Variants in PPP1R37 observed in about 807,000 individuals in gnomAD.
PPP1R37 encodes leucine rich repeat containing 68.
In PPP1R37, 21 loss-of-function variants were observed where a neutral mutation model predicts 61.0. That is an observed-to-expected ratio of 0.34 (90% confidence interval 0.24 to 0.50). The LOEUF (loss-of-function observed/expected upper bound fraction) is 0.50, where lower values mean the gene tolerates loss of function less well. PPP1R37 is among the 20% of genes least tolerant of loss of function. The pLI is 0.98. For missense variants in PPP1R37, 910 were observed against 952.7 expected, an observed-to-expected ratio of 0.96 and a Z score of 0.59; for synonymous variants, 443 against 433.5, an observed-to-expected ratio of 1.02 and a Z score of -0.27.
At chr19:45,119,696 C>T (rs2122728919) in intron 1 of PPP1R37, among the ~76,000 whole-genome samples, 1 of 152,336 alleles carries the variant, frequency 6.6e-6, no homozygotes, top group South Asian at 2.1e-4. Flanking sequence ...CTCTGTCCTC[C>T]ACTGTCATCT....
At chr19:45,106,472 G>A (rs1968132487) in intron 1 of PPP1R37, among the ~76,000 whole-genome samples, 1 of 152,082 alleles carries the variant, frequency 6.6e-6, no homozygotes, top group South Asian at 2.1e-4. Flanking sequence ...TCGAACTCCT[G>A]ACCTCAAATG....
In PPP1R37 at chr19:45,146,632, TC is replaced by T; in HGVS notation, c.*76del. The stretch of plus-strand genomic sequence containing the variant: ...CAGAGCCATGAGAATCTGCTCACCT[TC>T]CCCCCAGCCTTCCTGAGGCCCAGGA... On this transcript the variant is annotated 3_prime_UTR_variant, in exon 13 of 13. Transcript: ENST00000221462. 1.2e-5 allele frequency: 7 copies of T among 603,272 alleles called. No individual in the cohort carries two copies. The highest frequency in any genetic ancestry group is 2.0e-5 in the Non-Finnish European group (7 of 348,950). The allele number at this position is 603,272 out of a possible 1,614,324, so 37.4% of individuals were successfully genotyped here. A position where few individuals can be genotyped will look rare whatever the true frequency, so the allele number is the denominator to read the frequency against.
rs1568453077 is a variant in PPP1R37 at position 45,146,378 on chromosome 19, C to T, written c.1994-12C>T. ...CCGCCTGACGGGGGTGCTGGCCCGT[C>T]CTCCCACACAGAACTGAGCTGCTCC... On this transcript the variant is annotated splice_polypyrimidine_tract_variant and intron_variant, in intron 11 of 12. Transcript: ENST00000221462. 5.2e-6 allele frequency: 8 copies of T among 1,534,750 alleles called. No homozygotes were observed. Among genetic ancestry groups the T allele is most frequent in the South Asian group, 4.8e-5 (4 of 83,978 alleles).
At position 45,145,164 on chromosome 19, in the gene PPP1R37, G is replaced by C; in HGVS notation, c.1200G>C (p.Glu400Asp). ...TGAGACTGGACCTTCGGGAGAACGA[G>C]ATCAAGACAGGCGGGCTCATGGCAC... The part of the protein sequence containing the change: ...RLLRLDLREN[E>D]IKTGGLMALS... The change falls in exon 10 of 13, where the codon GAG becomes GAC. Residue 400 changes from glutamate (E) to aspartate (D), a missense_variant. Coordinates refer to ENST00000221462, the MANE Select transcript of PPP1R37 (RefSeq NM_019121.2). 2 of 1,535,294 alleles carry C rather than the reference G, an allele frequency of 1.3e-6. No homozygotes were observed. Among genetic ancestry groups the C allele is most frequent in the Non-Finnish European group, 1.7e-6 (2 of 1,146,526 alleles).
Position 45,142,471 on chromosome 19 carries a change from G to C in PPP1R37, c.874+13G>C, listed in dbSNP as rs551628275. ...GTGCTAGACTCGGGTGGGTGCAGTGGCCCACCCCACCCACACCCGTCACCC... is the reference window on the plus strand; with the variant it reads ...GTGCTAGACTCGGGTGGGTGCAGTGCCCCACCCCACCCACACCCGTCACCC... On this transcript the variant is annotated intron_variant, in intron 7 of 12. Coordinates refer to ENST00000221462, the MANE Select transcript of PPP1R37 (RefSeq NM_019121.2). The C allele has an allele frequency of 6.5e-7, 1 of 1,535,014 alleles. No individual in the cohort carries two copies. The highest frequency in any genetic ancestry group is 1.2e-5 in the South Asian group (1 of 84,012).
intron 1 of PPP1R37, among the ~76,000 whole-genome samples, chr19:45,097,364 TGCTAGAGATGG>T (rs1447529327): frequency 1.3e-5 from 2 of 151,810 alleles, no homozygotes; most frequent in African/African-American, 2.4e-5. Flanking sequence ...TGTTGTGCCG[TGCTAGAGATGG>T]AGCGCTGCCT....
chr19:45,110,554 T>A (rs1376109168), intron 1 of PPP1R37, among the ~76,000 whole-genome samples: 1 of 152,206 alleles, frequency 6.6e-6, no homozygotes, highest in Non-Finnish European at 1.5e-5. Context: ...TTCTTATAAC[T>A]GGTAAATTTT....
Position 45,133,177 on chromosome 19 carries a change from G to A in PPP1R37, c.203-5337G>A, listed in dbSNP as rs566983328. On this transcript the variant is annotated intron_variant, in intron 1 of 12. Coordinates refer to ENST00000221462, the MANE Select transcript of PPP1R37 (RefSeq NM_019121.2). Reference sequence around the variant, plus strand: ...ACCACAACCTCCACCTCCACCTCCCGGGTTCAAGTGATTCTCCTGCCTCAG... The same window carrying A: ...ACCACAACCTCCACCTCCACCTCCCAGGTTCAAGTGATTCTCCTGCCTCAG... Among the ~76,000 whole-genome samples, 5 of 152,232 alleles carry A rather than the reference G, an allele frequency of 3.3e-5. No individual in the cohort carries two copies. The South Asian group carries it at 6.2e-4, about 19-fold the overall frequency.
intron 1 of PPP1R37, among the ~76,000 whole-genome samples, chr19:45,099,672 C>T (rs1009103032): frequency 2.0e-5 from 3 of 152,234 alleles, no homozygotes; most frequent in African/African-American, 7.2e-5. Context: ...GCATCTATTT[C>T]CCCCTTCAAG....
Position 45,146,673 on chromosome 19 carries a change from GC to G in PPP1R37, c.*113del, listed in dbSNP as rs1968706285. 1.8e-6 allele frequency: 1 copy of G among 547,414 alleles called. No individual in the cohort carries two copies. The allele number at this position is 547,414 out of a possible 1,614,324, so 33.9% of individuals were successfully genotyped here. On this transcript the variant is annotated 3_prime_UTR_variant, in exon 13 of 13. Transcript: ENST00000221462. ...GAGGCCCAGGATGCCAGGGGTGGGG[GC>G]CATTCTGGGGCCCCCCTCCCCCCAC... is the stretch of plus-strand genomic sequence containing the variant.
chr19:45,105,907 G>A (rs901964185), intron 1 of PPP1R37, among the ~76,000 whole-genome samples: 3 of 152,246 alleles, frequency 2.0e-5, no homozygotes, highest in Non-Finnish European at 4.4e-5. Context: ...AGTTGGGGCT[G>A]TTGCTGGCAG....
intron 8 of PPP1R37, 37 bp downstream of exon 8, chr19:45,143,670 C>A: frequency 7.9e-7 from 1 of 1,271,766 alleles, no homozygotes; most frequent in East Asian, 2.5e-5. Context: ...GCACCTCGGT[C>A]CCCGCTGCCA....
intron 1 of PPP1R37, among the ~76,000 whole-genome samples, chr19:45,123,831 C>G (rs1203672317): frequency 2.6e-5 from 4 of 152,202 alleles, no homozygotes. Context: ...ATCCCTCTCC[C>G]CTGCCTGCAG....
chr19:45,106,371 A>T lies in PPP1R37; in HGVS notation c.202+12844A>T, dbSNP rs1368646926. ...ATTCTCCTGCCTCAGCCTCCCAAGT[A>T]GCTGGGATTATAGGCATGCGCCACC... On this transcript the variant is annotated intron_variant, in intron 1 of 12. Coordinates refer to ENST00000221462, the MANE Select transcript of PPP1R37 (RefSeq NM_019121.2). 5.3e-5 allele frequency among the ~76,000 whole-genome samples: 8 copies of T among 151,766 alleles called. No homozygotes were observed. In the East Asian group the frequency reaches 1.6e-3, roughly 29 times the overall value.
chr19:45,146,597 G>A lies in PPP1R37; in HGVS notation c.*35G>A. 1.4e-6 allele frequency: 1 copy of A among 718,564 alleles called. No homozygotes were observed. The highest frequency in any genetic ancestry group is 2.3e-6 in the Non-Finnish European group (1 of 431,406). 44.5% of individuals were successfully genotyped at this position (718,564 alleles called of 1,614,324 possible). On this transcript the variant is annotated 3_prime_UTR_variant, in exon 13 of 13. Transcript: ENST00000221462. ...TCCCTTTTTCCGGTCGGTCTGCGAT[G>A]AGCTGAGGCCAGAGCCATGAGAATC...
intron 1 of PPP1R37, among the ~76,000 whole-genome samples, chr19:45,094,334 C>CA (rs1967964300): frequency 2.0e-5 from 3 of 151,508 alleles, no homozygotes; most frequent in South Asian, 2.1e-4. Context: ...CCTCCTCCTC[C>CA]AAAAAAAAGA....
At position 45,145,035 on chromosome 19, in the gene PPP1R37, TCAGCCGGGCGGC is replaced by T. The variant is rs775644539; in HGVS notation, c.1129+49_1130-39del. The T allele has an allele frequency of 4.6e-5, 70 of 1,522,012 alleles. 1 individual carries two copies. In the Middle Eastern group the frequency reaches 8.5e-4, roughly 18 times the overall value. 94.3% of individuals were successfully genotyped at this position (1,522,012 alleles called of 1,614,324 possible). ...CGGGCCAGGGTGCGGGCTGGTGGGC[TCAGCCGGGCGGC>T]CAGCCGGGTGTGGGGCCCGTGGCCA... On this transcript the variant is annotated intron_variant, in intron 9 of 12. Coordinates refer to ENST00000221462, the MANE Select transcript of PPP1R37 (RefSeq NM_019121.2).
At chr19:45,101,770 G>T (rs1185100616) in intron 1 of PPP1R37, among the ~76,000 whole-genome samples, 1 of 152,194 alleles carries the variant, frequency 6.6e-6, no homozygotes, top group East Asian at 1.9e-4. Flanking sequence ...CTGTGTGGAG[G>T]TGACATGAAT....
chr19:45,100,591 G>A (rs757019299), intron 1 of PPP1R37, among the ~76,000 whole-genome samples: 4 of 152,246 alleles, frequency 2.6e-5, no homozygotes, highest in African/African-American at 4.8e-5. Context: ...TCAAATCCAG[G>A]CAGCCAGCCT....
Sources: gnomAD v4.1 joint callset for allele counts (sites outside exome capture counted in the v4.1 genomes callset) on GRCh38, gnomAD v4.1.1 for gene constraint, MANE v1.5 for transcripts, NCBI Gene and HGNC (gene_info 2026-07-23, HGNC 2026-07-21) for gene names.